The following EPB41L5 variants were observed in gnomAD, a reference collection of about 807,000 sequenced individuals.
EPB41L5 encodes the protein band 4.1-like protein 5.
In EPB41L5, 55 loss-of-function variants were observed where a neutral mutation model predicts 106.6. That is an observed-to-expected ratio of 0.52 (90% CI 0.42 to 0.65). The LOEUF is 0.65. Among genes scored for constraint, EPB41L5 ranks in the 30% least tolerant of loss-of-function variants. The pLI is 0.00. For missense variants in EPB41L5, 871 were observed against 882.1 expected (o/e 0.99, Z 0.16); for synonymous variants, 297 against 306.7 (o/e 0.97, Z 0.33).
chr2:120,097,495 C>T (rs1281245049), intron 14 of EPB41L5, among the ~76,000 whole-genome samples: 6 of 152,166 alleles, frequency 3.9e-5, no homozygotes, highest in Admixed American at 2.0e-4. Context: ...TGGCTAATGT[C>T]AGTCATTTTT....
At chr2:120,173,454 T>TG (rs1287624547) in intron 24 of EPB41L5, among the ~76,000 whole-genome samples, 2 of 152,000 alleles carry the variant, frequency 1.3e-5, no homozygotes, top group Non-Finnish European at 2.9e-5. Flanking sequence ...ATATCTGGGG[T>TG]GGGGTCTAAG....
chr2:120,055,505 T>TTC (rs1477309110), intron 3 of EPB41L5, among the ~76,000 whole-genome samples: 37 of 147,410 alleles, frequency 2.5e-4, no homozygotes, highest in African/African-American at 9.0e-4. Flanking sequence ...TTTTTTTTTT[T>TTC]TGAGACAGAG....
chr2:120,117,537 G>T (rs1017595394), intron 16 of EPB41L5, among the ~76,000 whole-genome samples: 1 of 152,126 alleles, frequency 6.6e-6, no homozygotes, highest in Non-Finnish European at 1.5e-5. Context: ...GAGTATGAGA[G>T]TGCTTCTACC....
intron 20 of EPB41L5, among the ~76,000 whole-genome samples, chr2:120,153,529 A>G (rs947226981): frequency 1.3e-5 from 2 of 152,034 alleles, no homozygotes; most frequent in African/African-American, 4.8e-5. Context: ...GTTTAATTCT[A>G]TTTCCTTATT....
chr2:120,104,146 A>C (rs1284809660), intron 16 of EPB41L5: 1 of 1,535,976 alleles, frequency 6.5e-7, no homozygotes, highest in African/African-American at 1.4e-5. Context: ...GCACATAGAA[A>C]CTACACTGAC....
intron 3 of EPB41L5, among the ~76,000 whole-genome samples, chr2:120,058,868 A>G (rs1000328358): frequency 1.6e-4 from 24 of 152,354 alleles, no homozygotes; most frequent in African/African-American, 5.8e-4. Flanking sequence ...CAACAAAGAT[A>G]CCAGTTCTCC....
chr2:120,115,062 A>G (rs1684887186), intron 16 of EPB41L5, among the ~76,000 whole-genome samples: 1 of 151,996 alleles, frequency 6.6e-6, no homozygotes, highest in South Asian at 2.1e-4. Context: ...CTTTTGCTTG[A>G]TGTTAGTATA....
At chr2:120,025,231 A>T (rs1346370899) in intron 2 of EPB41L5, among the ~76,000 whole-genome samples, 1 of 152,090 alleles carries the variant, frequency 6.6e-6, no homozygotes. Context: ...GGGAGGGTGT[A>T]TGTGTCCAGG....
At chr2:120,128,611 G>A (rs1436275429) in intron 17 of EPB41L5, among the ~76,000 whole-genome samples, 2 of 151,954 alleles carry the variant, frequency 1.3e-5, no homozygotes, top group Non-Finnish European at 2.9e-5. Context: ...CAGTGCTTCT[G>A]ATTAATAGAA....
chr2:120,061,304 G>T (rs1386595768), intron 3 of EPB41L5, among the ~76,000 whole-genome samples: 2 of 146,666 alleles, frequency 1.4e-5, no homozygotes, highest in African/African-American at 5.0e-5. Context: ...CTCACTGCAA[G>T]CTCCGCCTCC....
intron 18 of EPB41L5, among the ~76,000 whole-genome samples, chr2:120,134,195 CCTT>C (rs1354752286): frequency 6.6e-6 from 1 of 151,004 alleles, no homozygotes; most frequent in East Asian, 2.0e-4. Flanking sequence ...GGGAGAGACA[CCTT>C]CTGCTTGAGG....
chr2:120,075,412 G>GT, intron 5 of EPB41L5, 64 bp from the exon 6 acceptor site: 2 of 1,209,672 alleles, frequency 1.7e-6, no homozygotes, highest in Non-Finnish European at 2.4e-6. Flanking sequence ...AGTTAGAAGT[G>GT]TAAGATTTTT....
chr2:120,172,668 G>T (rs893218161), intron 24 of EPB41L5, among the ~76,000 whole-genome samples: 1 of 152,164 alleles, frequency 6.6e-6, no homozygotes, highest in Non-Finnish European at 1.5e-5. Context: ...TGGAAGATAT[G>T]TTCCTCTTTT....
chr2:120,057,586 T>C (rs552303701), intron 3 of EPB41L5, among the ~76,000 whole-genome samples: 2 of 152,276 alleles, frequency 1.3e-5, no homozygotes, highest in African/African-American at 4.8e-5. Context: ...ATCTGTGAGT[T>C]TTTCTGTTTA....
intron 19 of EPB41L5, among the ~76,000 whole-genome samples, chr2:120,145,485 GATC>G (rs929098123): frequency 5.9e-5 from 9 of 152,172 alleles, no homozygotes; most frequent in African/African-American, 2.2e-4. Context: ...GTAAAGTATA[GATC>G]ATCATTTACC....
intron 24 of EPB41L5, among the ~76,000 whole-genome samples, chr2:120,173,257 A>C (rs564450581): frequency 2.6e-5 from 4 of 152,134 alleles, no homozygotes; most frequent in African/African-American, 9.6e-5. Flanking sequence ...AAAGATAAGA[A>C]GGCAGGATTG....
chr2:120,068,727 C>A (rs1347872253), intron 3 of EPB41L5, among the ~76,000 whole-genome samples: 2 of 152,102 alleles, frequency 1.3e-5, no homozygotes, highest in East Asian at 3.9e-4. Flanking sequence ...AGTCAAGACA[C>A]CTCGGTGTGC....
chr2:120,163,683 A>G (rs1687247088), intron 21 of EPB41L5, among the ~76,000 whole-genome samples: 2 of 151,158 alleles, frequency 1.3e-5, no homozygotes, highest in Non-Finnish European at 2.9e-5. Context: ...GGCTGGGCAC[A>G]GTGGCTCACA....
chr2:120,098,169 T>TGTGTGTGTGTGTGTGTGC (rs1344885744), intron 14 of EPB41L5, among the ~76,000 whole-genome samples: 3 of 151,064 alleles, frequency 2.0e-5, no homozygotes, highest in African/African-American at 7.3e-5. Flanking sequence ...TGTGTGTGTG[T>TGTGTGTGTGTGTGTGTGC]GTGTGTGTGT....
Sources: gnomAD v4.1 joint callset for allele counts (sites outside exome capture counted in the v4.1 genomes callset) on GRCh38, gnomAD v4.1.1 for gene constraint, MANE v1.5 for transcripts, NCBI Gene and HGNC (gene_info 2026-07-23, HGNC 2026-07-21) for gene names.